The following MAP6 variants were observed in gnomAD, a reference collection of about 807,000 sequenced individuals.
MAP6 encodes microtubule-associated protein 6.
Under a neutral mutation model 42.4 loss-of-function variants are expected in MAP6, and 26 were observed. That is an observed-to-expected ratio of 0.61 (90% CI 0.45 to 0.85). MAP6 has a LOEUF of 0.85. Ranked by LOEUF, MAP6 falls within the 40% of genes least tolerant of loss-of-function variation. MAP6 has a pLI of 0.00. For missense variants in MAP6, 966 were observed against 1,099.0 expected, an observed-to-expected ratio of 0.88 and a Z score of 1.71; for synonymous variants, 418 against 443.8, an observed-to-expected ratio of 0.94 and a Z score of 0.73.
intron 1 of MAP6, among the ~76,000 whole-genome samples, chr11:75,647,690 T>C (rs1943585557): frequency 6.6e-6 from 1 of 152,214 alleles, no homozygotes; most frequent in Non-Finnish European, 1.5e-5. Context: ...TGACATCTTG[T>C]TTATGCATAG....
At chr11:75,661,643 T>G (rs1943848279) in intron 1 of MAP6, among the ~76,000 whole-genome samples, 1 of 152,110 alleles carries the variant, frequency 6.6e-6, no homozygotes, top group Non-Finnish European at 1.5e-5. Flanking sequence ...ACAGCCAAAC[T>G]AATTTTTAGA....
chr11:75,662,071 A>C lies in MAP6; in HGVS notation c.905+5394T>G, dbSNP rs139945300. On this transcript the variant is annotated intron_variant, in intron 1 of 3. Coordinates refer to ENST00000304771, the MANE Select transcript of MAP6 (RefSeq NM_033063.2). The stretch of plus-strand genomic sequence containing the variant: ...CAATAATTAAAAGCTAGCTCAGAAT[A>C]AAATAAAATAAGATAATATAGTATT... 4.5e-3 allele frequency among the ~76,000 whole-genome samples: 681 copies of C among 152,284 alleles called. 5 individuals are homozygous for C. Among genetic ancestry groups the C allele is most frequent in the African/African-American group, 0.015 (642 of 41,570 alleles).
chr11:75,629,140 T>C (rs1488876398), intron 1 of MAP6, among the ~76,000 whole-genome samples: 4 of 152,178 alleles, frequency 2.6e-5, no homozygotes, highest in Non-Finnish European at 5.9e-5. Flanking sequence ...CAGGCTGGAG[T>C]GCAGTGGTGC....
At chr11:75,652,138 G>T (rs1943656677) in intron 1 of MAP6, among the ~76,000 whole-genome samples, 2 of 152,150 alleles carry the variant, frequency 1.3e-5, no homozygotes, top group South Asian at 4.1e-4. Flanking sequence ...ATAAAATTTT[G>T]GTGGAAATTT....
chr11:75,619,799 G>A (rs890777228), intron 1 of MAP6, among the ~76,000 whole-genome samples: 4 of 152,168 alleles, frequency 2.6e-5, no homozygotes, highest in East Asian at 1.9e-4. Context: ...ACAGGCATGC[G>A]TCTTTATAAC....
chr11:75,662,678 A>C (rs1260892626), intron 1 of MAP6, among the ~76,000 whole-genome samples: 2 of 152,246 alleles, frequency 1.3e-5, no homozygotes, highest in African/African-American at 4.8e-5. Flanking sequence ...TTTGAGAATG[A>C]TGCCTTATAA....
intron 1 of MAP6, among the ~76,000 whole-genome samples, chr11:75,645,101 A>G (rs1195856510): frequency 6.6e-6 from 1 of 152,204 alleles, no homozygotes; most frequent in Non-Finnish European, 1.5e-5. Context: ...AAGGATTTCA[A>G]TGAAGGCACC....
At position 75,667,583 on chromosome 11, in the gene MAP6, C is replaced by A. The variant is rs1023202750; in HGVS notation, c.787G>T (p.Ala263Ser). Reference protein sequence around the residue: ...GLGHEQTPLPAAQAQVQATGP... With the variant: ...GLGHEQTPLPSAQAQVQATGP... ...GTGGCCTGGACCTGGGCCTGGGCCG[C>A]GGGCAGCGGCGTCTGCTCGTGCCCC... Residue 263 changes from alanine (A) to serine (S), a missense_variant, in exon 1 of 4, where the codon GCG (alanine) becomes TCG (serine). By Grantham distance (99) the Ala-to-Ser change is moderately conservative (BLOSUM62 1). Around this residue, in one of 2 missense-constraint regions of MAP6, gnomAD observed 943 missense variants for 1,049.9 expected, o/e 0.90. Transcript: ENST00000304771. This position sits in a 1 kb window ranked among gnomAD's most constrained non-coding sequence, Gnocchi z 5.6. The A allele has an allele frequency of 6.0e-5, 84 of 1,394,772 alleles. No individual in the cohort carries two copies. The highest frequency in any genetic ancestry group is 7.7e-5 in the Non-Finnish European group (83 of 1,084,598). The allele number at this position is 1,394,772 out of a possible 1,614,324, so 86.4% of individuals were successfully genotyped here.
intron 1 of MAP6, among the ~76,000 whole-genome samples, chr11:75,653,208 G>C (rs1387219889): frequency 6.6e-6 from 1 of 152,156 alleles, no homozygotes; most frequent in Non-Finnish European, 1.5e-5. Context: ...TCTCTTCTGT[G>C]CCAGGCCCAA....
chr11:75,640,003 C>CT (rs1943435363), intron 1 of MAP6, among the ~76,000 whole-genome samples: 1 of 152,116 alleles, frequency 6.6e-6, no homozygotes, highest in South Asian at 2.1e-4. Flanking sequence ...AATTTCCACT[C>CT]TCCCCTCTGG....
chr11:75,651,464 T>C (rs955883113), intron 1 of MAP6, among the ~76,000 whole-genome samples: 1 of 152,202 alleles, frequency 6.6e-6, no homozygotes, highest in Non-Finnish European at 1.5e-5. Context: ...TTTTGGGTGC[T>C]AGATCCTGGC....
intron 1 of MAP6, among the ~76,000 whole-genome samples, chr11:75,635,027 T>C (rs17134189): frequency 0.073 from 11,060 of 152,246 alleles, 597 homozygotes; most frequent in African/African-American, 0.14. Context: ...TGTCAGAGAT[T>C]TGATAATAAT....
At position 75,608,164 on chromosome 11, in the gene MAP6, A is replaced by G. The variant is rs1020548441; in HGVS notation, c.1064T>C (p.Ile355Thr). ...GAGGCTGCGTATTCTTCTGCGATCA[A>G]TGACCTTATTGTCAGCTGTTGTTGG... ...SKPTTADNKV[I>T]DRRRIRSLYS... The change falls in exon 2 of 4, where the codon ATT (isoleucine) becomes ACT (threonine). Residue 355 changes from isoleucine to threonine, a missense_variant. By Grantham distance (89) the Ile-to-Thr change is moderately conservative. This residue lies in a region of MAP6 where 943 missense variants were observed against 1,049.9 expected (regional missense o/e 0.90). Coordinates refer to ENST00000304771, the MANE Select transcript of MAP6 (RefSeq NM_033063.2). 21 of 1,613,994 alleles carry G rather than the reference A, an allele frequency of 1.3e-5. No individual in the cohort carries two copies. Among genetic ancestry groups the G allele is most frequent in the East Asian group, 6.7e-5 (3 of 44,896 alleles).
chr11:75,612,656 C>T lies in MAP6; in HGVS notation c.906-4334G>A, dbSNP rs544247833. Among the ~76,000 whole-genome samples, 4 of 152,272 alleles carry T rather than the reference C, an allele frequency of 2.6e-5. No individual in the cohort carries two copies. In the East Asian group the frequency reaches 5.8e-4, roughly 22 times the overall value. On this transcript the variant is annotated intron_variant, in intron 1 of 3. Coordinates refer to ENST00000304771, the MANE Select transcript of MAP6 (RefSeq NM_033063.2). ...GGATAGGAGCTGGGGCCAGGTGACA[C>T]AGAGCCTGCATGCCATGTTTGGAAG...
intron 1 of MAP6, among the ~76,000 whole-genome samples, chr11:75,654,930 T>C (rs749961564): frequency 8.5e-5 from 13 of 152,208 alleles, no homozygotes; most frequent in Non-Finnish European, 1.6e-4. Flanking sequence ...CCAGGACTCA[T>C]AAAACCATTC....
In MAP6 at chr11:75,625,009, C is replaced by A. The variant is rs137937513; in HGVS notation, c.906-16687G>T. Among the ~76,000 whole-genome samples the A allele has an allele frequency of 2.4e-3, 359 of 152,266 alleles. 1 individual carries two copies. The highest frequency in any genetic ancestry group is 4.5e-3 in the Admixed American group (69 of 15,294). ...GTGGGGCAGTAAGCCTCACTCAACA[C>A]AAAGAAAACAAAAGTACACACCAGA... On this transcript the variant is annotated intron_variant, in intron 1 of 3. Coordinates refer to ENST00000304771, the MANE Select transcript of MAP6 (RefSeq NM_033063.2).
rs1180972062 is a variant in MAP6 at position 75,667,296 on chromosome 11, A to G, written c.905+169T>C. Among the ~76,000 whole-genome samples, 1 of 152,190 alleles carries G rather than the reference A, an allele frequency of 6.6e-6. No individual in the cohort carries two copies. Among genetic ancestry groups the G allele is most frequent in the Non-Finnish European group, 1.5e-5 (1 of 68,016 alleles). On this transcript the variant is annotated intron_variant, in intron 1 of 3. Coordinates refer to ENST00000304771, the MANE Select transcript of MAP6 (RefSeq NM_033063.2). The surrounding 1 kb of genome is among the most constrained non-coding windows in gnomAD (Gnocchi z 5.6). ...CAGCTTGCGCATGGGACAGGGCAGA[A>G]GAGAAGGCTTCGACAGGAGGTGGCC...
Position 75,667,878 on chromosome 11 carries a change from C to T in MAP6, c.492G>A (p.Pro164=), listed in dbSNP as rs746555372. Residue 164 remains proline, a synonymous_variant, in exon 1 of 4, where the codon CCG becomes CCA. Coordinates refer to ENST00000304771, the MANE Select transcript of MAP6 (RefSeq NM_033063.2). This position sits in a 1 kb window ranked among gnomAD's most constrained non-coding sequence, Gnocchi z 5.6. ...TQYQKDFRAW[P]LPRRGDHPWI... ...ACGGGTGGTCCCCGCGGCGCGGCAG[C>T]GGCCAGGCGCGGAAGTCCTTCTGGT... is the stretch of plus-strand genomic sequence containing the variant. 4 of 1,444,322 alleles carry T rather than the reference C, an allele frequency of 2.8e-6. No individual in the cohort carries two copies. The highest frequency in any genetic ancestry group is 3.7e-6 in the Non-Finnish European group (4 of 1,095,686). 89.5% of individuals were successfully genotyped at this position (1,444,322 alleles called of 1,614,324 possible). A position where few individuals can be genotyped will look rare whatever the true frequency, so the allele number is the denominator to read the frequency against.
intron 1 of MAP6, among the ~76,000 whole-genome samples, chr11:75,662,748 G>A (rs900982513): frequency 1.2e-4 from 19 of 152,102 alleles, no homozygotes; most frequent in Admixed American, 6.5e-5. Context: ...TAAAAACTTG[G>A]TTGCCCAGGC....
Sources: allele counts gnomAD v4.1 joint callset (sites outside exome capture counted in the v4.1 genomes callset), GRCh38; gene constraint gnomAD v4.1.1; regional missense constraint gnomAD v4.1.1; non-coding constraint Gnocchi (gnomAD v3.1); transcripts MANE v1.5; gene names NCBI Gene and HGNC (gene_info 2026-07-23, HGNC 2026-07-21).